The following FGGY variants were observed in gnomAD, a reference collection of about 807,000 sequenced individuals.
FGGY encodes the protein FGGY carbohydrate kinase domain containing.
In FGGY, 72 loss-of-function variants were observed where a neutral mutation model predicts 71.3. The observed-to-expected ratio is 1.01, with a 90% CI of 0.84 to 1.23. The LOEUF is 1.23. FGGY is among the 50% of genes most tolerant of loss of function. The pLI, the probability that FGGY is intolerant of heterozygous loss-of-function variation, is 0.00. For synonymous variants in FGGY, 251 were observed against 250.3 expected, an observed-to-expected ratio of 1.00 and a Z score of -0.02; for missense variants, 668 against 682.3, an observed-to-expected ratio of 0.98 and a Z score of 0.23.
At chr1:59,735,128 T>G (rs2098089023) in intron 14 of FGGY, among the ~76,000 whole-genome samples, 2 of 152,124 alleles carry the variant, frequency 1.3e-5, no homozygotes, top group African/African-American at 4.8e-5. Context: ...ATGGGAAGAC[T>G]TCTCACAGTG....
intron 14 of FGGY, among the ~76,000 whole-genome samples, chr1:59,680,146 TCTTATAATCCTA>T (rs2097481736): frequency 6.6e-6 from 1 of 152,144 alleles, no homozygotes; most frequent in Non-Finnish European, 1.5e-5. Flanking sequence ...TCCCCAGGCC[TCTTATAATCCTA>T]CTTATTTCAC....
chr1:59,551,547 G>T (rs377529021), intron 7 of FGGY, among the ~76,000 whole-genome samples: 1 of 152,034 alleles, frequency 6.6e-6, no homozygotes, highest in East Asian at 1.9e-4. Context: ...ATATATTTAA[G>T]ATCCCAAGAT....
At chr1:59,554,405 T>G (rs2095653557) in intron 8 of FGGY, among the ~76,000 whole-genome samples, 178 bp downstream of exon 8, 3 of 152,196 alleles carry the variant, frequency 2.0e-5, no homozygotes, top group Admixed American at 2.0e-4. Flanking sequence ...TAACATTTGC[T>G]GGATCTTTTT....
At chr1:59,514,769 A>G (rs1480948239) in intron 7 of FGGY, among the ~76,000 whole-genome samples, 2 of 152,166 alleles carry the variant, frequency 1.3e-5, no homozygotes, top group African/African-American at 4.8e-5. Flanking sequence ...GCCACCATGT[A>G]AGAAGTGCCT....
chr1:59,596,527 G>A (rs1023928333), intron 8 of FGGY, among the ~76,000 whole-genome samples: 2 of 151,594 alleles, frequency 1.3e-5, no homozygotes, highest in African/African-American at 4.8e-5. Context: ...CTAAGTCTTG[G>A]TTCTGCCCTA....
intron 8 of FGGY, among the ~76,000 whole-genome samples, chr1:59,564,781 G>A (rs1326710416): frequency 6.6e-6 from 1 of 152,168 alleles, no homozygotes; most frequent in Non-Finnish European, 1.5e-5. Flanking sequence ...TAAAAGCCAG[G>A]CAGGGATATC....
At chr1:59,604,107 G>A (rs1326029978) in intron 8 of FGGY, among the ~76,000 whole-genome samples, 1 of 152,190 alleles carries the variant, frequency 6.6e-6, no homozygotes, top group African/African-American at 2.4e-5. Flanking sequence ...TGCCAACAGT[G>A]CCGTTATTAC....
At chr1:59,655,315 G>T (rs974122040) in intron 11 of FGGY, among the ~76,000 whole-genome samples, 1 of 152,192 alleles carries the variant, frequency 6.6e-6, no homozygotes, top group Admixed American at 6.5e-5. Context: ...GAACGTGCAG[G>T]TTTGTTAAAT....
intron 6 of FGGY, among the ~76,000 whole-genome samples, chr1:59,493,511 A>G (rs150593129): frequency 1.3e-5 from 2 of 152,310 alleles, no homozygotes; most frequent in African/African-American, 4.8e-5. Flanking sequence ...TGAAGATACT[A>G]TGTTAAATGA....
chr1:59,704,617 G>T (rs1383860351), intron 14 of FGGY, among the ~76,000 whole-genome samples: 1 of 152,066 alleles, frequency 6.6e-6, no homozygotes, highest in African/African-American at 2.4e-5. Flanking sequence ...ATATAAAGCT[G>T]CCCCATGTCT....
At chr1:59,337,117 A>C (rs2049755818) in intron 2 of FGGY, among the ~76,000 whole-genome samples, 1 of 151,064 alleles carries the variant, frequency 6.6e-6, no homozygotes, top group Non-Finnish European at 1.5e-5. Context: ...AAAAATGTGA[A>C]GTTCCACAAT....
At position 59,619,546 on chromosome 1, in the gene FGGY, C is replaced by T. The variant is rs116828622; in HGVS notation, c.1012-6442C>T. On this transcript the variant is annotated intron_variant, in intron 9 of 15. Coordinates refer to ENST00000303721, the MANE Select transcript of FGGY (RefSeq NM_018291.5). ...AGAATATACCAGGTCAAGGGAACAA[C>T]CAGTGTAAAGATTCTGAGAGGGTTG... Among the ~76,000 whole-genome samples the T allele has an allele frequency of 1.7e-3, 262 of 152,042 alleles. 1 individual carries two copies. Among genetic ancestry groups the T allele is most frequent in the Admixed American group, 3.7e-3 (56 of 15,234 alleles).
intron 7 of FGGY, among the ~76,000 whole-genome samples, chr1:59,553,412 T>C (rs1003759478): frequency 4.6e-5 from 7 of 152,216 alleles, no homozygotes; most frequent in East Asian, 1.9e-4. Context: ...TTTATAACTT[T>C]AGTTGCCCTG....
At chr1:59,319,390 A>C (rs749366370) in intron 1 of FGGY, among the ~76,000 whole-genome samples, 1 of 152,188 alleles carries the variant, frequency 6.6e-6, no homozygotes, top group African/African-American at 2.4e-5. Context: ...TACAGAAATC[A>C]ATAAGTTCAT....
chr1:59,701,295 C>T lies in FGGY; in HGVS notation c.1512+27162C>T, dbSNP rs144400456. 1.6e-4 allele frequency among the ~76,000 whole-genome samples: 25 copies of T among 152,332 alleles called. No individual in the cohort carries two copies. In the East Asian group the frequency reaches 2.1e-3, roughly 13 times the overall value. On this transcript the variant is annotated intron_variant, in intron 14 of 15. Transcript: ENST00000303721. ...ATCCTCAGTGCTCCACAGCACGGAA[C>T]AGACCTTGGATATCGTACTTCACAC...
intron 10 of FGGY, among the ~76,000 whole-genome samples, chr1:59,630,266 T>A (rs776474222): frequency 1.9e-4 from 29 of 152,042 alleles, no homozygotes; most frequent in Non-Finnish European, 4.0e-4. Context: ...CAAGATGAGA[T>A]TTGGTAGGGA....
At chr1:59,711,941 C>A (rs190991606) in intron 14 of FGGY, among the ~76,000 whole-genome samples, 1 of 152,178 alleles carries the variant, frequency 6.6e-6, no homozygotes, top group Admixed American at 6.5e-5. Flanking sequence ...GCCTTCCCAA[C>A]AATCCCCCAA....
At chr1:59,590,323 G>T (rs1279867556) in intron 8 of FGGY, among the ~76,000 whole-genome samples, 1 of 152,140 alleles carries the variant, frequency 6.6e-6, no homozygotes, top group Admixed American at 6.5e-5. Context: ...AAGAGTCCAG[G>T]ACCAGATGGA....
At chr1:59,645,373 G>A (rs1381848294) in intron 11 of FGGY, among the ~76,000 whole-genome samples, 1 of 152,122 alleles carries the variant, frequency 6.6e-6, no homozygotes, top group African/African-American at 2.4e-5. Flanking sequence ...ATCCTGTGTG[G>A]CTTTTGAACC....
Sources: gnomAD v4.1 joint callset for allele counts (sites outside exome capture counted in the v4.1 genomes callset) on GRCh38, gnomAD v4.1.1 for gene constraint, MANE v1.5 for transcripts, NCBI Gene and HGNC (gene_info 2026-07-23, HGNC 2026-07-21) for gene names.